Variants in NTN1 observed in about 807,000 individuals in gnomAD.
NTN1 encodes netrin 1, also known as netrin-1.
In NTN1, 11 loss-of-function variants were observed where a neutral mutation model predicts 54.2. The ratio of observed to expected loss-of-function variants is 0.20; its 90% CI spans 0.13 to 0.34. The LOEUF (loss-of-function observed/expected upper bound fraction) is 0.34, where lower values mean the gene tolerates loss of function less well. Ranked by LOEUF, NTN1 falls within the 10% of genes least tolerant of loss-of-function variation. The probability of loss-of-function intolerance (pLI) is 1.00; values close to 1 mark genes in which losing one functional copy is unlikely to be tolerated. For missense variants in NTN1, 740 were observed against 893.1 expected, an observed-to-expected ratio of 0.83 and a Z score of 2.18; for synonymous variants, 371 against 382.0, an observed-to-expected ratio of 0.97 and a Z score of 0.33.
Position 9,096,366 on chromosome 17 carries a change from C to CCTTTTTTTTTTTTTTTTTTTTTTTTTTTT in NTN1, c.1019-66447_1019-66446insCTTTTTTTTTTTTTTTTTTTTTTTTTTTT, listed in dbSNP as rs55880198. Among the ~76,000 whole-genome samples, 8 of 91,510 alleles carry CCTTTTTTTTTTTTTTTTTTTTTTTTTTTT rather than the reference C, an allele frequency of 8.7e-5. 4 individuals carry two copies. The highest frequency in any genetic ancestry group is 3.1e-4 in the Admixed American group (2 of 6,494). 60.0% of individuals were successfully genotyped at this position (91,510 alleles called of 152,430 possible). On this transcript the variant is annotated intron_variant, in intron 2 of 6. Coordinates refer to ENST00000173229, the MANE Select transcript of NTN1 (RefSeq NM_004822.3). ...TGTCTTCCTGGGTTTTATGGGTAGACTTTTTTTTTTTTTTTTTTTTTTGAG... is the reference window on the plus strand; with the variant it reads ...TGTCTTCCTGGGTTTTATGGGTAGACCTTTTTTTTTTTTTTTTTTTTTTTTTTTTTTTTTTTTTTTTTTTTTTTTTTGAG...
chr17:9,023,079 C>A lies in NTN1; in HGVS notation c.706C>A (p.Pro236Thr), dbSNP rs770788634. ...RPSAHDFDNS[P>T]VLQDWVTATD... ...CTCGGCGCACGACTTCGACAACTCG[C>A]CCGTGCTGCAGGACTGGGTCACGGC... Residue 236 changes from proline (P) to threonine (T), a missense_variant, in exon 2 of 7, where the codon CCC (proline) becomes ACC (threonine). By Grantham distance (38) the Pro-to-Thr change is conservative. Coordinates refer to ENST00000173229, the MANE Select transcript of NTN1 (RefSeq NM_004822.3). 4 of 1,573,802 alleles carry A rather than the reference C, an allele frequency of 2.5e-6. No individual in the cohort carries two copies. The highest frequency in any genetic ancestry group is 3.4e-6 in the Non-Finnish European group (4 of 1,161,112).
chr17:9,225,338 C>T (rs1476509301), intron 6 of NTN1, among the ~76,000 whole-genome samples: 2 of 152,118 alleles, frequency 1.3e-5, no homozygotes, highest in Non-Finnish European at 1.5e-5. Flanking sequence ...AGGCCAAGAA[C>T]AATGTCTGGA....
At chr17:9,186,162 C>A (rs61238324) in intron 5 of NTN1, among the ~76,000 whole-genome samples, 30,522 of 152,026 alleles carry the variant, frequency 0.2, 3,193 homozygotes, top group African/African-American at 0.23. Context: ...CAATGTGTAG[C>A]ATCTGCCACT....
At chr17:9,228,318 T>C (rs1369020617) in intron 6 of NTN1, among the ~76,000 whole-genome samples, 1 of 152,114 alleles carries the variant, frequency 6.6e-6, no homozygotes. Context: ...AAGCTAGGCA[T>C]AGCACGAGGA....
intron 2 of NTN1, among the ~76,000 whole-genome samples, chr17:9,151,002 G>A (rs1282002812): frequency 6.6e-6 from 1 of 152,026 alleles, no homozygotes; most frequent in African/African-American, 2.4e-5. Context: ...TGCCCTCTCC[G>A]GTCTGTTTGC....
chr17:9,164,998 T>G (rs1392769352), intron 3 of NTN1, among the ~76,000 whole-genome samples: 1 of 152,142 alleles, frequency 6.6e-6, no homozygotes, highest in Non-Finnish European at 1.5e-5. Flanking sequence ...CCCAGAGTGT[T>G]TGTTGTCTCT....
At chr17:9,217,057 A>AG (rs1204735195) in intron 5 of NTN1, among the ~76,000 whole-genome samples, 1 of 151,964 alleles carries the variant, frequency 6.6e-6, no homozygotes, top group Non-Finnish European at 1.5e-5. Context: ...AAAAAAAAAA[A>AG]AAGAAATATA....
intron 5 of NTN1, among the ~76,000 whole-genome samples, chr17:9,215,216 A>G (rs1357813910): frequency 6.6e-6 from 1 of 151,336 alleles, no homozygotes; most frequent in African/African-American, 2.4e-5. Flanking sequence ...TTCAAACTAA[A>G]TTTAAATATT....
intron 2 of NTN1, among the ~76,000 whole-genome samples, chr17:9,074,908 T>C (rs564459529): frequency 6.6e-6 from 1 of 152,342 alleles, no homozygotes; most frequent in African/African-American, 2.4e-5. Context: ...TTGGAATAAG[T>C]GAGCCGTCCT....
intron 2 of NTN1, among the ~76,000 whole-genome samples, chr17:9,064,763 C>T (rs551956302): frequency 6.6e-6 from 1 of 152,208 alleles, no homozygotes; most frequent in Non-Finnish European, 1.5e-5. Flanking sequence ...CACACAACAG[C>T]AGTGTGATCT....
chr17:9,223,953 A>G (rs767493285), intron 6 of NTN1, among the ~76,000 whole-genome samples: 7 of 152,118 alleles, frequency 4.6e-5, no homozygotes, highest in Non-Finnish European at 8.8e-5. Flanking sequence ...TTGATCGCCT[A>G]TTTGGTTTGG....
intron 5 of NTN1, among the ~76,000 whole-genome samples, chr17:9,220,905 C>T (rs753803852): frequency 1.1e-4 from 10 of 89,916 alleles, no homozygotes; most frequent in Non-Finnish European, 1.8e-4. Context: ...GAGACTCTCA[C>T]GGAGGCCAGG....
chr17:9,082,844 A>G (rs903405932), intron 2 of NTN1, among the ~76,000 whole-genome samples: 2 of 152,130 alleles, frequency 1.3e-5, no homozygotes, highest in African/African-American at 4.8e-5. Context: ...GGTCTAAAGA[A>G]TGAATTGCAC....
intron 3 of NTN1, chr17:9,177,007 A>AG (rs1567729689): frequency 6.6e-6 from 1 of 152,270 alleles, no homozygotes; most frequent in Non-Finnish European, 1.5e-5. Flanking sequence ...CTACTGCTGA[A>AG]GAATACTCTG....
the NTN1 span, among the ~76,000 whole-genome samples, chr17:9,005,307 G>GC: frequency 6.6e-6 from 1 of 152,156 alleles, no homozygotes; most frequent in Non-Finnish European, 1.5e-5. Context: ...TGATATTGAG[G>GC]CCTAAAGTGA....
chr17:9,129,733 G>T (rs1216322520), intron 2 of NTN1, among the ~76,000 whole-genome samples: 2 of 152,138 alleles, frequency 1.3e-5, no homozygotes, highest in Middle Eastern at 3.2e-3. Flanking sequence ...AGAGTTCCAC[G>T]CTCTCTCTGG....
At chr17:9,229,016 C>G (rs1407580124) in intron 6 of NTN1, among the ~76,000 whole-genome samples, 1 of 57,446 alleles carries the variant, frequency 1.7e-5, no homozygotes, top group East Asian at 7.2e-4. Context: ...GTAAGTGTGA[C>G]TGTGTGAGAC....
At chr17:9,080,946 C>G (rs925290591) in intron 2 of NTN1, among the ~76,000 whole-genome samples, 1 of 152,180 alleles carries the variant, frequency 6.6e-6, no homozygotes, top group Non-Finnish European at 1.5e-5. Flanking sequence ...CTGTAATATC[C>G]TTTATAATTA....
At chr17:9,082,308 G>T (rs539399384) in intron 2 of NTN1, among the ~76,000 whole-genome samples, 1 of 152,112 alleles carries the variant, frequency 6.6e-6, no homozygotes, top group Admixed American at 6.5e-5. Context: ...TGATCCTCCC[G>T]CCTCAGCCTC....
Sources: gnomAD v4.1 joint callset for allele counts (sites outside exome capture counted in the v4.1 genomes callset) on GRCh38, gnomAD v4.1.1 for gene constraint, MANE v1.5 for transcripts, NCBI Gene and HGNC (gene_info 2026-07-23, HGNC 2026-07-21) for gene names.